BRI3BP: variants seen among roughly 807,000 people sequenced by gnomAD.
BRI3BP encodes BRI3-binding protein.
Under a neutral mutation model 15.8 loss-of-function variants are expected in BRI3BP, and 7 were observed. That is an observed-to-expected ratio of 0.44 (90% confidence interval 0.25 to 0.83). The LOEUF (loss-of-function observed/expected upper bound fraction) is 0.83. Ranked by LOEUF, BRI3BP falls within the 40% of genes least tolerant of loss-of-function variation. The probability of loss-of-function intolerance (pLI) is 0.20; values close to 1 mark genes in which losing one functional copy is unlikely to be tolerated. For missense variants in BRI3BP, 320 were observed against 339.3 expected (o/e 0.94, Z 0.45); for synonymous variants, 192 against 163.5 (o/e 1.17, Z -1.33).
At chr12:125,007,080 T>C (rs1386588260) in intron 1 of BRI3BP, among the ~76,000 whole-genome samples, 3 of 151,998 alleles carry the variant, frequency 2.0e-5, no homozygotes, top group African/African-American at 7.3e-5. Flanking sequence ...ATGCCTGTAA[T>C]CCCAGCTACT....
In BRI3BP at chr12:124,994,100, CCG is replaced by C. The variant is rs1249100723; in HGVS notation, c.213+99_213+100del. ...GGAGGAGCGCGGCCTCCGGGGCTGC[CCG>C]CCCGGCCAGCGCGCGGGAAGAGGGG... On this transcript the variant is annotated intron_variant, in intron 1 of 2. Transcript: ENST00000341446. The C allele has an allele frequency of 4.2e-3, 3,658 of 860,864 alleles. 15 individuals carry two copies. Among genetic ancestry groups the C allele is most frequent in the Non-Finnish European group, 4.9e-3 (3,317 of 679,898 alleles). 53.3% of individuals were successfully genotyped at this position (860,864 alleles called of 1,614,324 possible).
intron 2 of BRI3BP, among the ~76,000 whole-genome samples, chr12:125,020,174 G>A (rs1955284608): frequency 6.6e-6 from 1 of 152,026 alleles, no homozygotes; most frequent in African/African-American, 2.4e-5. Flanking sequence ...TCGAACTCCT[G>A]ACTTCAGATG....
At chr12:125,034,688 C>G (rs1955430305), downstream of BRI3BP, among the ~76,000 whole-genome samples, 1 of 152,064 alleles carries the variant, frequency 6.6e-6, no homozygotes, top group Non-Finnish European at 1.5e-5. Flanking sequence ...CTCCCAGTTT[C>G]AAGCAATTCT....
downstream of BRI3BP, among the ~76,000 whole-genome samples, chr12:125,033,628 G>A (rs368533709): frequency 1.6e-4 from 24 of 152,040 alleles, 1 homozygote; most frequent in African/African-American, 5.1e-4. Flanking sequence ...CCTTGGGCCC[G>A]GCGTCAACCT....
the BRI3BP span, among the ~76,000 whole-genome samples, chr12:125,049,784 G>T: frequency 6.6e-6 from 1 of 152,138 alleles, no homozygotes; most frequent in Admixed American, 6.5e-5. Context: ...CCAACTCTCT[G>T]CCAGCCAATC....
intron 1 of BRI3BP, among the ~76,000 whole-genome samples, chr12:124,995,678 C>G (rs993401359): frequency 1.3e-5 from 2 of 151,796 alleles, no homozygotes; most frequent in African/African-American, 4.9e-5. Flanking sequence ...TTATGTAATC[C>G]TTAGAATGAC....
chr12:125,001,259 T>A (rs1288211924), intron 1 of BRI3BP, among the ~76,000 whole-genome samples: 1 of 152,074 alleles, frequency 6.6e-6, no homozygotes, highest in East Asian at 1.9e-4. Flanking sequence ...GGTTTCACCG[T>A]GTTAGCCAGG....
At chr12:125,041,214 TTG>T in the BRI3BP span, among the ~76,000 whole-genome samples, 5 of 150,210 alleles carry the variant, frequency 3.3e-5, no homozygotes, top group Non-Finnish European at 5.9e-5. Flanking sequence ...CCTGGCTAAT[TTG>T]TGTGTGTGTG....
chr12:125,019,736 A>T (rs1437719849), intron 2 of BRI3BP, among the ~76,000 whole-genome samples: 1 of 147,616 alleles, frequency 6.8e-6, no homozygotes, highest in African/African-American at 2.6e-5. Context: ...TGTTCCTCTG[A>T]ATTCAAAACC....
chr12:125,025,648 A>G lies in BRI3BP; in HGVS notation c.*218A>G, dbSNP rs1955347848. ...GTGGAACTACACACGAAGTGTAATTAGTGGGGGAAAAAATATTTTTTAAAC... is the reference window on the plus strand; with the variant it reads ...GTGGAACTACACACGAAGTGTAATTGGTGGGGGAAAAAATATTTTTTAAAC... On this transcript the variant is annotated 3_prime_UTR_variant, in exon 3 of 3. Coordinates refer to ENST00000341446, the MANE Select transcript of BRI3BP (RefSeq NM_080626.6). The G allele has an allele frequency of 1.9e-6, 1 of 531,248 alleles. No individual in the cohort carries two copies. The highest frequency in any genetic ancestry group is 1.9e-5 in the African/African-American group (1 of 53,032). The allele number at this position is 531,248 out of a possible 1,614,324, so 32.9% of individuals were successfully genotyped here.
At chr12:125,017,326 T>TC (rs1955256328) in intron 2 of BRI3BP, among the ~76,000 whole-genome samples, 2 of 21,412 alleles carry the variant, frequency 9.3e-5, no homozygotes, top group Admixed American at 1.2e-3. Flanking sequence ...CCCCCTAATG[T>TC]TTTTTTTTTA....
At chr12:125,009,581 G>A (rs1198358889) in intron 1 of BRI3BP, among the ~76,000 whole-genome samples, 2 of 150,674 alleles carry the variant, frequency 1.3e-5, no homozygotes, top group Non-Finnish European at 3.0e-5. Context: ...TGAGCCACCA[G>A]GCACAGCCTA....
Position 124,993,936 on chromosome 12 carries a change from C to T in BRI3BP, c.146C>T (p.Thr49Met), listed in dbSNP as rs1955017757. 4 of 1,353,800 alleles carry T rather than the reference C, an allele frequency of 3.0e-6. No individual in the cohort carries two copies. Among genetic ancestry groups the T allele is most frequent in the Non-Finnish European group, 3.8e-6 (4 of 1,040,628 alleles). 83.9% of individuals were successfully genotyped at this position (1,353,800 alleles called of 1,614,324 possible). The change falls in exon 1 of 3, where the codon ACG becomes ATG. Residue 49 changes from threonine (T) to methionine (M), a missense_variant. By Grantham distance (81) the Thr-to-Met change is moderately conservative (BLOSUM62 -1). Coordinates refer to ENST00000341446, the MANE Select transcript of BRI3BP (RefSeq NM_080626.6). ...GGAEKNSYRR[T>M]VNTFSQSVSS... ...GCGGAGAAGAACAGCTACCGCCGCA[C>T]GGTCAACACCTTCTCCCAGAGCGTC...
rs111460482 is a variant in BRI3BP at position 125,005,828 on chromosome 12, C to G, written c.214-6706C>G. ...ATAAGATTCAGGCTTGCATTTTCAC[C>G]GGATTTCTGCTGGAACTGCCTCCAG... On this transcript the variant is annotated intron_variant, in intron 1 of 2. Transcript: ENST00000341446. Among the ~76,000 whole-genome samples, 5 of 152,102 alleles carry G rather than the reference C, an allele frequency of 3.3e-5. 1 individual carries two copies. Among genetic ancestry groups the G allele is most frequent in the African/African-American group, 1.2e-4 (5 of 41,496 alleles).
intron 1 of BRI3BP, among the ~76,000 whole-genome samples, chr12:124,995,159 A>T (rs1955030007): frequency 6.6e-6 from 1 of 152,090 alleles, no homozygotes; most frequent in Non-Finnish European, 1.5e-5. Context: ...GTAAGTTTTG[A>T]CCTCCCTCTC....
At chr12:125,024,573 G>A (rs1280989879) in intron 2 of BRI3BP, among the ~76,000 whole-genome samples, 1 of 152,160 alleles carries the variant, frequency 6.6e-6, no homozygotes. Context: ...GCCGAGGCAG[G>A]TGGATCACCT....
intron 1 of BRI3BP, among the ~76,000 whole-genome samples, chr12:124,998,413 A>G (rs924279913): frequency 1.3e-5 from 2 of 152,236 alleles, no homozygotes; most frequent in African/African-American, 2.4e-5. Context: ...GTGTCTGTAT[A>G]ATGAAATATG....
At position 125,008,726 on chromosome 12, in the gene BRI3BP, C is replaced by G. The variant is rs184849156; in HGVS notation, c.214-3808C>G. ...GGGGATGGTTTCGGGATGATTCAGG[C>G]GCATTACGTTTATTGTGTACTTTAT... On this transcript the variant is annotated intron_variant, in intron 1 of 2. Coordinates refer to ENST00000341446, the MANE Select transcript of BRI3BP (RefSeq NM_080626.6). 6.6e-5 allele frequency among the ~76,000 whole-genome samples: 10 copies of G among 152,156 alleles called. No individual in the cohort carries two copies. The East Asian group carries it at 9.7e-4, about 15-fold the overall frequency.
chr12:125,015,233 C>T (rs751805781), intron 2 of BRI3BP, among the ~76,000 whole-genome samples: 9 of 151,860 alleles, frequency 5.9e-5, no homozygotes, highest in South Asian at 2.1e-4. Flanking sequence ...TAAATGAGAT[C>T]GTCTTGGATT....
Sources: allele counts gnomAD v4.1 joint callset (sites outside exome capture counted in the v4.1 genomes callset), GRCh38; gene constraint gnomAD v4.1.1; transcripts MANE v1.5; gene names NCBI Gene and HGNC (gene_info 2026-07-23, HGNC 2026-07-21).